SEC24C: variants seen among roughly 807,000 people sequenced by gnomAD.
SEC24C encodes the protein protein transport protein Sec24C.
In SEC24C, 22 loss-of-function variants were observed where a neutral mutation model predicts 117.0. The observed-to-expected ratio is 0.19, with a 90% CI of 0.13 to 0.27. SEC24C has a LOEUF of 0.27. Among genes scored for constraint, SEC24C ranks in the 10% least tolerant of loss-of-function variants. The pLI is 1.00. For synonymous variants in SEC24C, 506 were observed against 529.4 expected (o/e 0.96, Z 0.61); for missense variants, 1,155 against 1,375.1 (o/e 0.84, Z 2.53).
chr10:73,767,203 T>G, intron 14 of SEC24C, 33 bp downstream of exon 14: 2 of 1,422,322 alleles, frequency 1.4e-6, no homozygotes, highest in Non-Finnish European at 2.0e-6. Context: ...AGGGGAAGGA[T>G]TTTTCATTAC....
intron 15 of SEC24C, among the ~76,000 whole-genome samples, chr10:73,768,467 A>G (rs920410684): frequency 5.9e-5 from 9 of 152,174 alleles, no homozygotes; most frequent in Non-Finnish European, 8.8e-5. Flanking sequence ...GGGCCTTGGA[A>G]TCAGTCCTGC....
chr10:73,770,336 G>C lies in SEC24C; in HGVS notation c.2919G>C (p.Glu973Asp). 1 of 1,613,992 alleles carries C rather than the reference G, an allele frequency of 6.2e-7. No individual in the cohort carries two copies. The highest frequency in any genetic ancestry group is 2.2e-5 in the East Asian group (1 of 44,884). ...CACCAGCAGTTCGAGCCTCTGAAGA[G>C]CGTCTAAGCAATGGGGATATATATT... ...TEPPAVRASE[E>D]RLSNGDIYLL... Residue 973 changes from glutamate to aspartate, a missense_variant, in exon 21 of 23, where the codon GAG becomes GAC. Physicochemically the swap from Glu to Asp is conservative, Grantham distance 45. Transcript: ENST00000345254.
intron 20 of SEC24C, 108 bp downstream of exon 20, chr10:73,770,123 G>T (rs778150596): frequency 5.5e-5 from 70 of 1,276,766 alleles, no homozygotes; most frequent in Middle Eastern, 2.0e-4. Flanking sequence ...TTGTTTTTAT[G>T]TATTTTAGCT....
intron 8 of SEC24C, among the ~76,000 whole-genome samples, chr10:73,764,998 C>T (rs915764983): frequency 1.3e-5 from 2 of 152,158 alleles, no homozygotes; most frequent in African/African-American, 4.8e-5. Context: ...TTGCCTGGGG[C>T]ATCAGTAACT....
At chr10:73,745,168 C>T (rs1167842282) in intron 1 of SEC24C, among the ~76,000 whole-genome samples, 1 of 152,124 alleles carries the variant, frequency 6.6e-6, no homozygotes. Context: ...TTCTGGGCCC[C>T]TTCTGTCTAC....
Position 73,746,171 on chromosome 10 carries a change from A to AAC in SEC24C, c.-28-633_-28-632insCA, listed in dbSNP as rs1313983029. On this transcript the variant is annotated intron_variant, in intron 1 of 22. Transcript: ENST00000345254. ...GAGACTCCGTCTCAAAAAAAAAAAA[A>AAC]AAAAAAAAAAACCTTCAGTTTTAAG... is the stretch of plus-strand genomic sequence containing the variant. Among the ~76,000 whole-genome samples the AAC allele has an allele frequency of 3.9e-5, 6 of 151,922 alleles. No individual in the cohort carries two copies. The South Asian group carries it at 6.2e-4, about 16-fold the overall frequency.
At chr10:73,761,426 A>G (rs1183171570) in intron 6 of SEC24C, among the ~76,000 whole-genome samples, 1 of 152,172 alleles carries the variant, frequency 6.6e-6, no homozygotes, top group African/African-American at 2.4e-5. Context: ...TTTCAGGAAG[A>G]GGGTGAATTG....
intron 3 of SEC24C, 86 bp from the exon 4 acceptor site, chr10:73,759,536 T>C (rs959548712): frequency 5.8e-6 from 6 of 1,040,156 alleles, no homozygotes; most frequent in Non-Finnish European, 7.8e-6. Context: ...CAAAACAATG[T>C]AGCTTCCTGT....
chr10:73,767,768 T>C (rs533256180), intron 14 of SEC24C, 69 bp from the exon 15 acceptor site: 28 of 1,242,622 alleles, frequency 2.3e-5, no homozygotes, highest in African/African-American at 6.1e-5. Flanking sequence ...ATGCTAGATA[T>C]ACAGTTTTCA....
At chr10:73,760,933 A>G in intron 6 of SEC24C, 84 bp downstream of exon 6, 1 of 1,360,882 alleles carries the variant, frequency 7.3e-7, no homozygotes, top group Non-Finnish European at 9.9e-7. Flanking sequence ...TTTGCCTAGC[A>G]TTTTCTGATA....
intron 3 of SEC24C, among the ~76,000 whole-genome samples, chr10:73,758,250 A>G (rs1437522186): frequency 6.7e-6 from 1 of 149,694 alleles, no homozygotes; most frequent in African/African-American, 2.5e-5. Flanking sequence ...AAAAGAAAAG[A>G]AAAAAAAAAG....
intron 4 of SEC24C, 35 bp downstream of exon 4, chr10:73,759,829 C>T (rs1471983613): frequency 1.3e-6 from 2 of 1,527,506 alleles, no homozygotes; most frequent in Non-Finnish European, 1.8e-6. Flanking sequence ...GTTACTGTCC[C>T]CTGTTCAGAG....
intron 3 of SEC24C, chr10:73,751,945 C>T (rs2082647813): frequency 6.6e-6 from 1 of 152,172 alleles, no homozygotes. Context: ...CTAGAACAGG[C>T]ACTTAGTAGG....
chr10:73,770,825 C>T (rs1177985931), intron 22 of SEC24C, 27 bp downstream of exon 22: 1 of 1,613,362 alleles, frequency 6.2e-7, no homozygotes, highest in East Asian at 2.2e-5. Flanking sequence ...CCCTGGATTT[C>T]TTACCTTGTC....
At chr10:73,768,737 G>A in intron 15 of SEC24C, 73 bp from the exon 16 acceptor site, 1 of 1,374,532 alleles carries the variant, frequency 7.3e-7, no homozygotes, top group East Asian at 2.3e-5. Flanking sequence ...AGAGTGGAAG[G>A]GGTACAGGGA....
chr10:73,759,826 T>G (rs2082768704), intron 4 of SEC24C, 32 bp downstream of exon 4: 1 of 1,528,860 alleles, frequency 6.5e-7, no homozygotes, highest in Non-Finnish European at 8.8e-7. Context: ...AATGTTACTG[T>G]CCCCTGTTCA....
intron 3 of SEC24C, chr10:73,752,066 A>C (rs2082648995): frequency 6.6e-6 from 1 of 152,226 alleles, no homozygotes; most frequent in African/African-American, 2.4e-5. Flanking sequence ...AACCCATCTT[A>C]GCATGAAAGT....
intron 15 of SEC24C, among the ~76,000 whole-genome samples, chr10:73,768,403 A>AGG (rs1409925935): frequency 1.3e-5 from 2 of 152,182 alleles, no homozygotes; most frequent in African/African-American, 4.8e-5. Flanking sequence ...GTGTTGGAAG[A>AGG]GAAGACTGCA....
chr10:73,747,037 G>A, intron 2 of SEC24C, 33 bp downstream of exon 2: 1 of 1,595,602 alleles, frequency 6.3e-7, no homozygotes, highest in Non-Finnish European at 8.6e-7. Flanking sequence ...TTTGAGCTAG[G>A]GAGGGAAATC....
Sources: allele counts gnomAD v4.1 joint callset (sites outside exome capture counted in the v4.1 genomes callset), GRCh38; gene constraint gnomAD v4.1.1; transcripts MANE v1.5; gene names NCBI Gene and HGNC (gene_info 2026-07-23, HGNC 2026-07-21).